Variants in LRBA observed in about 807,000 individuals in gnomAD.
LRBA encodes LPS responsive beige-like anchor protein, also known as lipopolysaccharide-responsive and beige-like anchor protein.
LRBA carries 176 observed loss-of-function variants against 330.0 expected under a neutral mutation model. The ratio of observed to expected loss-of-function variants is 0.53; its 90% CI spans 0.47 to 0.60. The LOEUF (loss-of-function observed/expected upper bound fraction) is 0.60. LRBA is among the 20% of genes least tolerant of loss of function. LRBA has a pLI of 0.00. For missense variants in LRBA, 3,259 were observed against 3,444.8 expected (o/e 0.95, Z 1.35); for synonymous variants, 1,230 against 1,193.0 (o/e 1.03, Z -0.64).
chr4:150,728,159 T>C (rs1327984241), intron 36 of LRBA, among the ~76,000 whole-genome samples: 1 of 152,082 alleles, frequency 6.6e-6, no homozygotes, highest in Non-Finnish European at 1.5e-5. Context: ...ATTGAACCAT[T>C]AAGAAATCTA....
chr4:150,646,337 G>C (rs999407247), intron 37 of LRBA, among the ~76,000 whole-genome samples: 3 of 152,042 alleles, frequency 2.0e-5, no homozygotes, highest in African/African-American at 7.2e-5. Flanking sequence ...TGGATGAATA[G>C]GCTGGAGAGT....
intron 37 of LRBA, among the ~76,000 whole-genome samples, chr4:150,607,823 T>A (rs908375096): frequency 6.6e-6 from 1 of 151,454 alleles, no homozygotes; most frequent in Non-Finnish European, 1.5e-5. Flanking sequence ...GATCACGAGG[T>A]CAGGAGTTTG....
chr4:150,679,139 A>G (rs1437609643), intron 37 of LRBA, among the ~76,000 whole-genome samples: 5 of 152,204 alleles, frequency 3.3e-5, no homozygotes, highest in African/African-American at 1.2e-4. Context: ...TTTTCAAAAC[A>G]ATCTTTCCTT....
intron 2 of LRBA, among the ~76,000 whole-genome samples, chr4:150,975,480 C>T (rs182827261): frequency 4.5e-4 from 68 of 150,006 alleles, no homozygotes; most frequent in African/African-American, 1.6e-3. Flanking sequence ...GAGCCCAGAT[C>T]GCACCACTGC....
chr4:150,486,477 T>C (rs1472664944), intron 42 of LRBA, among the ~76,000 whole-genome samples: 1 of 151,844 alleles, frequency 6.6e-6, no homozygotes, highest in Non-Finnish European at 1.5e-5. Flanking sequence ...TTTTTTATAA[T>C]AATGAAAACA....
Position 150,448,163 on chromosome 4 carries a change from A to G in LRBA, c.6781-11299T>C, listed in dbSNP as rs185333816. On this transcript the variant is annotated intron_variant, in intron 44 of 56. Coordinates refer to ENST00000651943, the MANE Select transcript of LRBA (RefSeq NM_001364905.1). ...GCCTAGGACACCTTGTTGTGCCACA[A>G]GGCAAAGGATTTGTCAAATATTAAT... Among the ~76,000 whole-genome samples, 5 of 152,326 alleles carry G rather than the reference A, an allele frequency of 3.3e-5. No individual in the cohort carries two copies. The East Asian group carries it at 5.8e-4, about 18-fold the overall frequency.
intron 28 of LRBA, among the ~76,000 whole-genome samples, chr4:150,839,365 G>A (rs938447531): frequency 1.3e-5 from 2 of 152,154 alleles, no homozygotes; most frequent in African/African-American, 4.8e-5. Context: ...AATACCATTT[G>A]GCCCAGCCAT....
intron 40 of LRBA, among the ~76,000 whole-genome samples, chr4:150,573,887 CA>C (rs1770198539): frequency 6.6e-6 from 1 of 152,118 alleles, no homozygotes; most frequent in African/African-American, 2.4e-5. Context: ...TCTTTTAACA[CA>C]GTAGGAACTT....
chr4:150,871,426 A>G lies in LRBA; in HGVS notation c.2286T>C (p.His762=). 6.2e-7 allele frequency: 1 copy of G among 1,610,778 alleles called. No homozygotes were observed. The highest frequency in any genetic ancestry group is 1.1e-5 in the South Asian group (1 of 90,806). Residue 762 remains histidine, a synonymous_variant, in exon 19 of 57, where the codon CAT becomes CAC. Transcript: ENST00000651943. ...PKRKAEVMLG[H]GLFSLLAERL... is the part of the protein sequence containing the mutation. ...TTTCAGCTAGCAATGAAAACAATCCATGTCCAAGCATGACTTCTGCTTTCC... is the reference window on the plus strand; with the variant it reads ...TTTCAGCTAGCAATGAAAACAATCCGTGTCCAAGCATGACTTCTGCTTTCC...
chr4:150,546,469 T>C (rs964620132), intron 40 of LRBA, among the ~76,000 whole-genome samples: 14 of 152,226 alleles, frequency 9.2e-5, no homozygotes, highest in African/African-American at 3.4e-4. Context: ...CGGATTAAAC[T>C]TTCTTTGTCC....
chr4:150,937,967 A>T (rs1279113515), intron 2 of LRBA, among the ~76,000 whole-genome samples: 4 of 152,038 alleles, frequency 2.6e-5, no homozygotes, highest in Non-Finnish European at 5.9e-5. Context: ...ATACTGTGTG[A>T]CTCACAGAAA....
chr4:150,704,331 G>A (rs1785403328), intron 36 of LRBA, among the ~76,000 whole-genome samples: 1 of 151,726 alleles, frequency 6.6e-6, no homozygotes, highest in Non-Finnish European at 1.5e-5. Context: ...GCCTCTTGGT[G>A]GGGCAAAGAT....
At chr4:150,531,558 T>C (rs1764058591) in intron 40 of LRBA, among the ~76,000 whole-genome samples, 1 of 152,214 alleles carries the variant, frequency 6.6e-6, no homozygotes, top group Non-Finnish European at 1.5e-5. Context: ...GAGGAGAAGA[T>C]TGTCCACATT....
intron 56 of LRBA, among the ~76,000 whole-genome samples, chr4:150,272,719 T>C (rs944565632): frequency 2.0e-5 from 3 of 151,252 alleles, no homozygotes; most frequent in African/African-American, 2.4e-5. Flanking sequence ...ATATCAGAGA[T>C]TGAAGATCAA....
At chr4:150,310,170 A>G in intron 52 of LRBA, 59 bp downstream of exon 52, 1 of 1,202,032 alleles carries the variant, frequency 8.3e-7, no homozygotes, top group Non-Finnish European at 1.2e-6. Flanking sequence ...ATGCATCCTA[A>G]GCCTCTCAAT....
At chr4:150,684,527 T>G (rs1271846988) in intron 36 of LRBA, among the ~76,000 whole-genome samples, 7 of 152,156 alleles carry the variant, frequency 4.6e-5, no homozygotes, top group African/African-American at 1.7e-4. Flanking sequence ...TTAGATATCA[T>G]CAATTTTACC....
At chr4:150,997,806 C>T (rs1742840526) in intron 2 of LRBA, among the ~76,000 whole-genome samples, 1 of 151,810 alleles carries the variant, frequency 6.6e-6, no homozygotes, top group Admixed American at 6.6e-5. Flanking sequence ...CGGGTTCAAG[C>T]GATTCCCATG....
At chr4:150,381,921 A>AT (rs1742325584) in intron 47 of LRBA, among the ~76,000 whole-genome samples, 1 of 152,162 alleles carries the variant, frequency 6.6e-6, no homozygotes, top group Non-Finnish European at 1.5e-5. Context: ...TAATGTTAAC[A>AT]TATTTTCACG....
chr4:150,850,492 A>ATTT (rs1343966675), intron 24 of LRBA, among the ~76,000 whole-genome samples: 1 of 152,192 alleles, frequency 6.6e-6, no homozygotes, highest in East Asian at 1.9e-4. Context: ...GAAATCTACT[A>ATTT]CAAATTTTTT....
Sources: allele counts gnomAD v4.1 joint callset (sites outside exome capture counted in the v4.1 genomes callset), GRCh38; gene constraint gnomAD v4.1.1; transcripts MANE v1.5; gene names NCBI Gene and HGNC (gene_info 2026-07-23, HGNC 2026-07-21).